The following GOLGA1 variants were observed in gnomAD, a reference collection of about 807,000 sequenced individuals.
GOLGA1 encodes the protein golgin A1, also known as golgin subfamily A member 1.
In GOLGA1, 63 loss-of-function variants were observed where a neutral mutation model predicts 119.7. The ratio of observed to expected loss-of-function variants is 0.53; its 90% CI spans 0.43 to 0.65. GOLGA1 has a LOEUF of 0.65. Ranked by LOEUF, GOLGA1 falls within the 30% of genes least tolerant of loss-of-function variation. The pLI is 0.00. For missense variants in GOLGA1, 798 were observed against 912.8 expected (o/e 0.87, Z 1.62); for synonymous variants, 318 against 333.4 (o/e 0.95, Z 0.50).
At chr9:124,944,131 TGGA>T (rs1386690955), upstream of GOLGA1, 1 of 152,132 alleles carries the variant, frequency 6.6e-6, no homozygotes, top group Non-Finnish European at 1.5e-5. Flanking sequence ...GCAAAAAAGT[TGGA>T]GAACTAGCCA....
Position 124,888,441 on chromosome 9 carries a change from G to A in GOLGA1, c.1762-45C>T. ...AATTGAGAGCCAGGACAGGTCAGGT[G>A]AAGCTGAGCCACAGGTACACAGGGA... On this transcript the variant is annotated intron_variant, in intron 18 of 22. Coordinates refer to ENST00000373555, the MANE Select transcript of GOLGA1 (RefSeq NM_002077.4). The surrounding 1 kb of genome is among the most constrained non-coding windows in gnomAD (Gnocchi z 4.4). 1 of 1,592,550 alleles carries A rather than the reference G, an allele frequency of 6.3e-7. No homozygotes were observed. Among genetic ancestry groups the A allele is most frequent in the Non-Finnish European group, 8.6e-7 (1 of 1,161,318 alleles).
intron 19 of GOLGA1, among the ~76,000 whole-genome samples, chr9:124,886,075 A>G (rs12350094): frequency 0.049 from 7,438 of 152,244 alleles, 423 homozygotes; most frequent in Admixed American, 0.14. Context: ...CTGAGATGGG[A>G]AAGGTGGCAT....
Position 124,881,866 on chromosome 9 carries a change from G to A in GOLGA1, c.2054C>T (p.Thr685Ile), listed in dbSNP as rs757371259. 2 of 1,612,310 alleles carry A rather than the reference G, an allele frequency of 1.2e-6. No homozygotes were observed. Among genetic ancestry groups the A allele is most frequent in the South Asian group, 1.1e-5 (1 of 91,012 alleles). Reference protein sequence around the residue: ...ANMAPSVTNNTDLTDAREINF... With the variant: ...ANMAPSVTNNIDLTDAREINF... ...GATCTCGCGGGCATCTGTCAGGTCAGTGTTATTCGTGACGGAAGGCGCCAT... is the reference window on the plus strand; with the variant it reads ...GATCTCGCGGGCATCTGTCAGGTCAATGTTATTCGTGACGGAAGGCGCCAT... The change falls in exon 21 of 23, where the codon ACT becomes ATT. Residue 685 changes from threonine to isoleucine, a missense_variant. Coordinates refer to ENST00000373555, the MANE Select transcript of GOLGA1 (RefSeq NM_002077.4). The surrounding 1 kb of genome is among the most constrained non-coding windows in gnomAD (Gnocchi z 4.9).
chr9:124,923,214 T>C lies in GOLGA1; in HGVS notation c.442A>G (p.Ile148Val), dbSNP rs760336497. Reference sequence around the variant, plus strand: ...ATTTCCTGTAACTGGGCTGTCAGAATATTTTTCTCCTATTTGAAAGAAGAA... The same window carrying C: ...ATTTCCTGTAACTGGGCTGTCAGAACATTTTTCTCCTATTTGAAAGAAGAA... Reference protein sequence around the residue: ...KMDQLEKEKNILTAQLQEMKN... With the variant: ...KMDQLEKEKNVLTAQLQEMKN... The change falls in exon 8 of 23, where the codon ATT becomes GTT. Residue 148 changes from isoleucine (I) to valine (V), a missense_variant. Physicochemically the swap from Ile to Val is conservative, Grantham distance 29 (BLOSUM62 3). Coordinates refer to ENST00000373555, the MANE Select transcript of GOLGA1 (RefSeq NM_002077.4). The C allele has an allele frequency of 6.3e-7, 1 of 1,594,560 alleles. No individual in the cohort carries two copies. Among genetic ancestry groups the C allele is most frequent in the East Asian group, 2.2e-5 (1 of 44,584 alleles).
At position 124,878,726 on chromosome 9, in the gene GOLGA1, TTCAATGG is replaced by T. The variant is rs1829502084; in HGVS notation, c.*1797_*1803del. The T allele has an allele frequency of 6.6e-6, 1 of 152,234 alleles. No individual in the cohort carries two copies. Among genetic ancestry groups the T allele is most frequent in the African/African-American group, 2.4e-5 (1 of 41,436 alleles). 9.4% of individuals were successfully genotyped at this position (152,234 alleles called of 1,614,324 possible). A position where few individuals can be genotyped will look rare whatever the true frequency, so the allele number is the denominator to read the frequency against. On this transcript the variant is annotated 3_prime_UTR_variant, in exon 23 of 23. Transcript: ENST00000373555. ...GGGCCTGGGGTGCGTGTGGGACCAG[TTCAATGG>T]CTGGAGAAGCCACGGAGGCAGCGGA...
intron 3 of GOLGA1, among the ~76,000 whole-genome samples, chr9:124,937,657 A>C (rs1490789551): frequency 1.3e-5 from 2 of 151,912 alleles, no homozygotes; most frequent in African/African-American, 2.4e-5. Flanking sequence ...AGAGAAAAGA[A>C]ATTTATCTAA....
Position 124,881,943 on chromosome 9 carries a change from G to A in GOLGA1, c.1977C>T (p.Pro659=), listed in dbSNP as rs765370842. 9.4e-6 allele frequency: 15 copies of A among 1,602,084 alleles called. No individual in the cohort carries two copies. The highest frequency in any genetic ancestry group is 8.9e-5 in the South Asian group (8 of 89,460). Reference sequence around the variant, plus strand: ...CCCGGACTTCGAAGAGCTCATTATCGGGTCTGATTTTCTGAAAAACCAGTG... The same window carrying A: ...CCCGGACTTCGAAGAGCTCATTATCAGGTCTGATTTTCTGAAAAACCAGTG... ...KTLQKELKIR[P]DNELFEVREK... Residue 659 remains proline, a synonymous_variant, in exon 21 of 23, where the codon CCC becomes CCT. Coordinates refer to ENST00000373555, the MANE Select transcript of GOLGA1 (RefSeq NM_002077.4). This position sits in a 1 kb window ranked among gnomAD's most constrained non-coding sequence, Gnocchi z 4.9.
Position 124,929,226 on chromosome 9 carries a change from T to C in GOLGA1, c.291A>G (p.Lys97=). 2 of 1,598,258 alleles carry C rather than the reference T, an allele frequency of 1.3e-6. No homozygotes were observed. The highest frequency in any genetic ancestry group is 1.7e-6 in the Non-Finnish European group (2 of 1,165,634). Residue 97 remains lysine, a synonymous_variant, in exon 5 of 23, where the codon AAA becomes AAG. Transcript: ENST00000373555. ...IKEKLEIALE[K]HQDSSMRKFQ... ...GAAAAAAATACGTACAATCCTGGTGTTTTTCTAATGCAATTTCAAGCTTCT... is the reference window on the plus strand; with the variant it reads ...GAAAAAAATACGTACAATCCTGGTGCTTTTCTAATGCAATTTCAAGCTTCT...
Position 124,941,042 on chromosome 9 carries a change from C to A in GOLGA1, c.-277G>T, listed in dbSNP as rs1831007605. 6.6e-6 allele frequency: 1 copy of A among 152,338 alleles called. No individual in the cohort carries two copies. Among genetic ancestry groups the A allele is most frequent in the African/African-American group, 2.4e-5 (1 of 41,466 alleles). The allele number at this position is 152,338 out of a possible 1,614,324, so 9.4% of individuals were successfully genotyped here. On this transcript the variant is annotated 5_prime_UTR_variant, in exon 1 of 23. Coordinates refer to ENST00000373555, the MANE Select transcript of GOLGA1 (RefSeq NM_002077.4). ...CGTGAGCCCCGGCCCGCGTCACCAACCCCCACCGCCCAGCCGGCGAGCCGA... is the reference window on the plus strand; with the variant it reads ...CGTGAGCCCCGGCCCGCGTCACCAAACCCCACCGCCCAGCCGGCGAGCCGA...
chr9:124,894,268 G>C (rs1829916326), intron 15 of GOLGA1, among the ~76,000 whole-genome samples: 1 of 152,126 alleles, frequency 6.6e-6, no homozygotes, highest in Admixed American at 6.5e-5. Flanking sequence ...GTGCTTGTGG[G>C]TGTGGCCCTG....
At chr9:124,935,456 T>A (rs192171960) in intron 3 of GOLGA1, among the ~76,000 whole-genome samples, 14 of 152,260 alleles carry the variant, frequency 9.2e-5, no homozygotes, top group African/African-American at 3.1e-4. Context: ...AGATTAGGGA[T>A]GCTTAACCTC....
At chr9:124,925,810 C>T (rs1456491020) in intron 7 of GOLGA1, among the ~76,000 whole-genome samples, 1 of 152,106 alleles carries the variant, frequency 6.6e-6, no homozygotes, top group African/African-American at 2.4e-5. Flanking sequence ...AAATAGTTGA[C>T]ACTAATGATT....
rs1484407988 is a variant in GOLGA1 at position 124,888,861 on chromosome 9, A to G, written c.1761+282T>C. 6.6e-6 allele frequency among the ~76,000 whole-genome samples: 1 copy of G among 152,002 alleles called. No homozygotes were observed. Reference sequence around the variant, plus strand: ...ACTACAGGCACTCGCCACCACGCCTAGCTAATTTTTTGTATTTTTAGTAGA... The same window carrying G: ...ACTACAGGCACTCGCCACCACGCCTGGCTAATTTTTTGTATTTTTAGTAGA... On this transcript the variant is annotated intron_variant, in intron 18 of 22. Coordinates refer to ENST00000373555, the MANE Select transcript of GOLGA1 (RefSeq NM_002077.4). This position sits in a 1 kb window ranked among gnomAD's most constrained non-coding sequence, Gnocchi z 4.4.
chr9:124,934,499 T>C (rs1471715611), intron 3 of GOLGA1, among the ~76,000 whole-genome samples: 4 of 152,002 alleles, frequency 2.6e-5, no homozygotes, highest in African/African-American at 4.8e-5. Flanking sequence ...AGAGAGGAAA[T>C]AGCATGTGCA....
rs1025285188 is a variant in GOLGA1 at position 124,935,884 on chromosome 9, G to A, written c.135+2693C>T. Reference sequence around the variant, plus strand: ...CCAGGGTTTCTGGCTGGTGACTTGGGAAGATGAAGGTGCACATTTGGAGAT... The same window carrying A: ...CCAGGGTTTCTGGCTGGTGACTTGGAAAGATGAAGGTGCACATTTGGAGAT... On this transcript the variant is annotated intron_variant, in intron 3 of 22. Transcript: ENST00000373555. Among the ~76,000 whole-genome samples the A allele has an allele frequency of 2.0e-5, 3 of 152,110 alleles. 1 individual carries two copies. In the South Asian group the frequency reaches 6.2e-4, roughly 32 times the overall value.
rs1163904953 is a variant in GOLGA1 at position 124,880,522 on chromosome 9, A to G, written c.*8T>C. ...AACCCACGGAGCTCCATCCTTGGGT[A>G]GTCCCCTCTAGGACCATGGTATCCG... On this transcript the variant is annotated 3_prime_UTR_variant, in exon 23 of 23. Transcript: ENST00000373555. The G allele has an allele frequency of 1.3e-6, 2 of 1,520,262 alleles. No individual in the cohort carries two copies. Among genetic ancestry groups the G allele is most frequent in the African/African-American group, 1.4e-5 (1 of 73,074 alleles). The allele number at this position is 1,520,262 out of a possible 1,614,324, so 94.2% of individuals were successfully genotyped here.
At chr9:124,897,797 T>C (rs1490647700) in intron 15 of GOLGA1, among the ~76,000 whole-genome samples, 1 of 152,208 alleles carries the variant, frequency 6.6e-6, no homozygotes, top group Admixed American at 6.5e-5. Flanking sequence ...ACTCATCAGA[T>C]CTGATTACTG....
chr9:124,881,862 G>T lies in GOLGA1; in HGVS notation c.2058C>A (p.Asp686Glu). 1 of 1,612,834 alleles carries T rather than the reference G, an allele frequency of 6.2e-7. No individual in the cohort carries two copies. The highest frequency in any genetic ancestry group is 8.5e-7 in the Non-Finnish European group (1 of 1,178,914). ...NMAPSVTNNT[D>E]LTDAREINFE... Reference sequence around the variant, plus strand: ...AGTTGATCTCGCGGGCATCTGTCAGGTCAGTGTTATTCGTGACGGAAGGCG... The same window carrying T: ...AGTTGATCTCGCGGGCATCTGTCAGTTCAGTGTTATTCGTGACGGAAGGCG... The change falls in exon 21 of 23, where the codon GAC (aspartate) becomes GAA (glutamate). Residue 686 changes from aspartate (D) to glutamate (E), a missense_variant. Asp to Glu is a conservative substitution (Grantham distance 45). Transcript: ENST00000373555. This position sits in a 1 kb window ranked among gnomAD's most constrained non-coding sequence, Gnocchi z 4.9.
intron 12 of GOLGA1, among the ~76,000 whole-genome samples, chr9:124,904,241 A>C (rs967155424): frequency 6.6e-6 from 1 of 152,178 alleles, no homozygotes; most frequent in Non-Finnish European, 1.5e-5. Flanking sequence ...CCAAACTCAA[A>C]GAGACAGAAA....
Sources: gnomAD v4.1 joint callset for allele counts (sites outside exome capture counted in the v4.1 genomes callset) on GRCh38, gnomAD v4.1.1 for gene constraint, Gnocchi (gnomAD v3.1) non-coding constraint, MANE v1.5 for transcripts, NCBI Gene and HGNC (gene_info 2026-07-23, HGNC 2026-07-21) for gene names.